The following CUBN variants were observed in gnomAD, a reference collection of about 807,000 sequenced individuals.
CUBN encodes 460 kDa receptor.
A neutral mutation model predicts 405.3 loss-of-function variants in CUBN; 282 were observed. The ratio of observed to expected loss-of-function variants is 0.70; its 90% CI spans 0.63 to 0.77. The LOEUF is 0.77. Among genes scored for constraint, CUBN ranks in the 30% least tolerant of loss-of-function variants. The pLI is 0.00. For missense variants in CUBN, 4,514 were observed against 4,475.2 expected, an observed-to-expected ratio of 1.01 and a Z score of -0.25; for synonymous variants, 1,684 against 1,617.0, an observed-to-expected ratio of 1.04 and a Z score of -0.99.
chr10:17,035,113 GA>G (rs1834867702), intron 27 of CUBN, among the ~76,000 whole-genome samples: 1 of 149,578 alleles, frequency 6.7e-6, no homozygotes, highest in Non-Finnish European at 1.5e-5. Flanking sequence ...AAACGCAATT[GA>G]AAAAGGAAAG....
rs549244979 is a variant in CUBN, at chr10:17,060,062, T to G, written c.3139+5446A>C. 3.9e-5 allele frequency among the ~76,000 whole-genome samples: 6 copies of G among 152,170 alleles called. No individual in the cohort carries two copies. The South Asian group carries it at 1.2e-3, about 32-fold the overall frequency. On this transcript the variant is annotated intron_variant, in intron 22 of 66. Transcript: ENST00000377833. ...AACTTCAGACATGGCCAAGATAAAA[T>G]ATGAACCCAAGTTCCCTCTTTCCAA...
At chr10:17,044,097 TTATA>T in intron 25 of CUBN, 114 bp from the exon 26 acceptor site, 1 of 267,140 alleles carries the variant, frequency 3.7e-6, no homozygotes, top group Non-Finnish European at 6.4e-6. Flanking sequence ...TGTATATATA[TTATA>T]AATAAATATA....
intron 22 of CUBN, among the ~76,000 whole-genome samples, chr10:17,055,777 C>T (rs560349277): frequency 2.2e-4 from 34 of 152,180 alleles, no homozygotes; most frequent in African/African-American, 8.2e-4. Context: ...GAAGGAAGAT[C>T]TGAATAAATG....
chr10:16,901,901 A>ATATATATACACCATATATAG (rs1326554317), intron 51 of CUBN, among the ~76,000 whole-genome samples: 1 of 133,124 alleles, frequency 7.5e-6, no homozygotes, highest in South Asian at 2.3e-4. Context: ...ATATATATAT[A>ATATATATACACCATATATAG]TATATATATA....
intron 28 of CUBN, among the ~76,000 whole-genome samples, chr10:16,994,604 C>T (rs1238743465): frequency 6.6e-6 from 1 of 152,160 alleles, no homozygotes; most frequent in Non-Finnish European, 1.5e-5. Flanking sequence ...CAATACCCAT[C>T]AGGAAATAAC....
At chr10:17,056,922 A>G (rs1299883741) in intron 22 of CUBN, among the ~76,000 whole-genome samples, 1 of 152,190 alleles carries the variant, frequency 6.6e-6, no homozygotes, top group Non-Finnish European at 1.5e-5. Context: ...AAATAAATGA[A>G]TTGTCAAAAA....
chr10:16,920,752 A>G (rs1170140980), intron 43 of CUBN, among the ~76,000 whole-genome samples: 1 of 152,220 alleles, frequency 6.6e-6, no homozygotes, highest in Admixed American at 6.5e-5. Flanking sequence ...TTATCAATAA[A>G]TATTCTTTGG....
intron 28 of CUBN, among the ~76,000 whole-genome samples, chr10:17,013,271 C>T (rs1834232790): frequency 6.6e-6 from 1 of 151,764 alleles, no homozygotes; most frequent in Admixed American, 6.6e-5. Context: ...CTCTTCCTGT[C>T]TCCTTCTTTT....
intron 31 of CUBN, among the ~76,000 whole-genome samples, chr10:16,963,520 A>T (rs779841507): frequency 3.3e-5 from 5 of 152,176 alleles, no homozygotes; most frequent in African/African-American, 4.8e-5. Flanking sequence ...TTTAACATAC[A>T]GAAAAGTTAA....
At chr10:17,056,557 C>T (rs1276449932) in intron 22 of CUBN, among the ~76,000 whole-genome samples, 2 of 151,524 alleles carry the variant, frequency 1.3e-5, no homozygotes, top group East Asian at 1.9e-4. Context: ...TGCAGTGAGC[C>T]GAGATCGCAC....
rs143899993 is a variant in CUBN at position 16,925,327 on chromosome 10, G to A, written c.6560C>T (p.Ser2187Leu). The change falls in exon 43 of 67, where the codon TCG becomes TTG. Residue 2187 changes from serine to leucine, a missense_variant. Ser to Leu is a moderately radical substitution (Grantham distance 145). Coordinates refer to ENST00000377833, the MANE Select transcript of CUBN (RefSeq NM_001081.4). Reference protein sequence around the residue: ...GSHASSTLFTSDNQMFVQFIS... With the variant: ...GSHASSTLFTLDNQMFVQFIS... ...AAACTGAACAAACATTTGATTATCC[G>A]AGGTGAACAGAGTTGATGAAGCATG... is the stretch of plus-strand genomic sequence containing the variant. 1.2e-4 allele frequency: 197 copies of A among 1,613,572 alleles called. No homozygotes were observed. Among genetic ancestry groups the A allele is most frequent in the African/African-American group, 5.9e-4 (44 of 74,862 alleles).
intron 6 of CUBN, among the ~76,000 whole-genome samples, chr10:17,117,241 C>T (rs903876137): frequency 6.6e-6 from 1 of 151,946 alleles, no homozygotes; most frequent in African/African-American, 2.4e-5. Flanking sequence ...TTTAATTAGA[C>T]TCTTGAGGAT....
Position 16,925,349 on chromosome 10 carries a change from C to A in CUBN, c.6538G>T (p.Ala2180Ser). The change falls in exon 43 of 67, where the codon GCT becomes TCT. Residue 2180 changes from alanine to serine, a missense_variant. Ala to Ser is a moderately conservative substitution (Grantham distance 99). This residue lies in a region of CUBN where 1,613 missense variants were observed against 1,542.8 expected (regional missense o/e 1.05). Transcript: ENST00000377833. Reference sequence around the variant, plus strand: ...TCCGAGGTGAACAGAGTTGATGAAGCATGACTGCCACAAAAATGACCATTT... The same window carrying A: ...TCCGAGGTGAACAGAGTTGATGAAGAATGACTGCCACAAAAATGACCATTT... ...GGNGHFCGSH[A>S]SSTLFTSDNQ... 6.2e-7 allele frequency: 1 copy of A among 1,613,888 alleles called. No homozygotes were observed. Among genetic ancestry groups the A allele is most frequent in the Non-Finnish European group, 8.5e-7 (1 of 1,179,864 alleles).
At chr10:17,045,906 C>T (rs1835121338) in intron 24 of CUBN, 28 bp downstream of exon 24, 1 of 1,612,026 alleles carries the variant, frequency 6.2e-7, no homozygotes, top group Admixed American at 1.7e-5. Flanking sequence ...TTGGCTTCTC[C>T]AGTAAAAGAC....
intron 41 of CUBN, among the ~76,000 whole-genome samples, chr10:16,926,107 G>A (rs1296300180): frequency 2.0e-5 from 3 of 152,166 alleles, no homozygotes; most frequent in Non-Finnish European, 1.5e-5. Flanking sequence ...AAGAAAAATG[G>A]ATGAGAGGAG....
intron 57 of CUBN, among the ~76,000 whole-genome samples, chr10:16,874,860 C>T (rs747438754): frequency 5.9e-5 from 9 of 151,966 alleles, no homozygotes; most frequent in Non-Finnish European, 1.2e-4. Flanking sequence ...ACAACAGTAA[C>T]GAAGTACGGA....
At position 16,836,348 on chromosome 10, in the gene CUBN, C is replaced by T. The variant is rs746279890; in HGVS notation, c.10067G>A (p.Arg3356Lys). Residue 3356 changes from arginine (R) to lysine (K), a missense_variant, in exon 63 of 67, where the codon AGA becomes AAA. Around this residue, in one of 5 missense-constraint regions of CUBN, gnomAD observed 1,186 missense variants for 1,186.9 expected, o/e 1.00. Transcript: ENST00000377833. The stretch of plus-strand genomic sequence containing the variant: ...AAACACTGGCACAGCCGAAGCATTT[C>T]TGCCACAGAACTGAAATCTTGAATT... ...HGNSRFQFCGRNASAVPVFYS... is the reference protein window; with the variant it reads ...HGNSRFQFCGKNASAVPVFYS... The T allele has an allele frequency of 6.2e-6, 10 of 1,613,960 alleles. No individual in the cohort carries two copies. Among genetic ancestry groups the T allele is most frequent in the Non-Finnish European group, 8.5e-6 (10 of 1,179,910 alleles).
chr10:16,930,830 C>A (rs945613482), intron 40 of CUBN, among the ~76,000 whole-genome samples: 9 of 152,298 alleles, frequency 5.9e-5, no homozygotes, highest in Admixed American at 5.9e-4. Flanking sequence ...ATTGCATGAG[C>A]AGGAATAGCC....
At chr10:17,101,788 C>T (rs979474583) in intron 13 of CUBN, among the ~76,000 whole-genome samples, 1 of 152,124 alleles carries the variant, frequency 6.6e-6, no homozygotes, top group African/African-American at 2.4e-5. Context: ...CTGCATGCCA[C>T]TTTCGAACCA....
Sources: allele counts gnomAD v4.1 joint callset (sites outside exome capture counted in the v4.1 genomes callset), GRCh38; gene constraint gnomAD v4.1.1; regional missense constraint gnomAD v4.1.1; transcripts MANE v1.5; gene names NCBI Gene and HGNC (gene_info 2026-07-23, HGNC 2026-07-21).